Variants in SERINC5 observed in about 807,000 individuals in gnomAD.
SERINC5 encodes chromosome 5 open reading frame 12.
A neutral mutation model predicts 63.1 loss-of-function variants in SERINC5; 41 were observed. The observed-to-expected ratio is 0.65, with a 90% confidence interval of 0.51 to 0.84. The LOEUF is 0.84. SERINC5 is among the 40% of genes least tolerant of loss of function. The pLI is 0.00. For synonymous variants in SERINC5, 222 were observed against 215.2 expected, an observed-to-expected ratio of 1.03 and a Z score of -0.28; for missense variants, 523 against 573.0, an observed-to-expected ratio of 0.91 and a Z score of 0.89.
At chr5:80,224,149 A>AAG (rs55960382) in intron 1 of SERINC5, among the ~76,000 whole-genome samples, 2 of 145,476 alleles carry the variant, frequency 1.4e-5, no homozygotes, top group African/African-American at 5.1e-5. Flanking sequence ...AAAAAAAAAA[A>AAG]GAAAAAAGAA....
rs1015384621 is a variant in SERINC5 at position 80,141,500 on chromosome 5, C to G, written c.*2163G>C. On this transcript the variant is annotated 3_prime_UTR_variant, in exon 12 of 12. Transcript: ENST00000507668. ...CACACCAGCTGGCAGCCAGACCCAG[C>G]CGAGAGGACAAAGCAAGGGCTCTGC... The G allele has an allele frequency of 1.0e-5, 10 of 985,438 alleles. No homozygotes were observed. In the African/African-American group the frequency reaches 1.7e-4, roughly 17 times the overall value. 61.0% of individuals were successfully genotyped at this position (985,438 alleles called of 1,614,324 possible).
At chr5:80,180,915 T>G (rs73128070) in intron 2 of SERINC5, among the ~76,000 whole-genome samples, 24,246 of 152,174 alleles carry the variant, frequency 0.16, 2,930 homozygotes, top group East Asian at 0.62. Context: ...ATTGCAGACC[T>G]AAAGTTACAG....
chr5:80,128,052 CTAAT>C (rs1208797962), intron 11 of SERINC5, among the ~76,000 whole-genome samples: 1 of 152,088 alleles, frequency 6.6e-6, no homozygotes, highest in Non-Finnish European at 1.5e-5. Flanking sequence ...TATTTTGAGT[CTAAT>C]GAATCAGTCT....
At chr5:80,117,486 C>G (rs185456710) in intron 11 of SERINC5, among the ~76,000 whole-genome samples, 1 of 152,008 alleles carries the variant, frequency 6.6e-6, no homozygotes, top group Non-Finnish European at 1.5e-5. Context: ...CTGATAATCA[C>G]ACAGAGCCAC....
intron 2 of SERINC5, among the ~76,000 whole-genome samples, chr5:80,183,880 C>A (rs1315889801): frequency 1.3e-5 from 2 of 151,818 alleles, no homozygotes; most frequent in East Asian, 1.9e-4. Flanking sequence ...TTGGTGGTCT[C>A]TTCACACCGA....
Position 80,146,155 on chromosome 5 carries a change from G to A in SERINC5, c.1173C>T (p.Ser391=). The A allele has an allele frequency of 6.2e-7, 1 of 1,614,036 alleles. No individual in the cohort carries two copies. The highest frequency in any genetic ancestry group is 8.5e-7 in the Non-Finnish European group (1 of 1,179,866). The change falls in exon 11 of 12, where the codon TCC becomes TCT. Residue 391 remains serine, a synonymous_variant. Transcript: ENST00000507668. ...DEKKGTVYIY[S]YFHFVFFLAS... is the part of the protein sequence containing the mutation. ...CTAGGAAGAACACGAAGTGGAAGTA[G>A]GAGTAGATGTAGACGGTGCCTTTCT...
intron 2 of SERINC5, among the ~76,000 whole-genome samples, chr5:80,191,550 G>C (rs1749188626): frequency 6.7e-6 from 1 of 149,418 alleles, no homozygotes; most frequent in Admixed American, 6.7e-5. Context: ...TATGGTCCCG[G>C]TTACTCAGCA....
intron 7 of SERINC5, among the ~76,000 whole-genome samples, chr5:80,164,363 A>C (rs1326835253): frequency 6.7e-6 from 1 of 148,814 alleles, no homozygotes; most frequent in African/African-American, 2.5e-5. Context: ...TCTTTATTTT[A>C]TTTAGTTCCT....
intron 11 of SERINC5, among the ~76,000 whole-genome samples, chr5:80,124,730 C>T (rs541131232): frequency 4.6e-5 from 7 of 152,268 alleles, no homozygotes; most frequent in South Asian, 2.1e-4. Flanking sequence ...GTGCTTATCT[C>T]GTCACCTGCA....
At chr5:80,115,768 T>G (rs764749232) in intron 11 of SERINC5, among the ~76,000 whole-genome samples, 1 of 152,080 alleles carries the variant, frequency 6.6e-6, no homozygotes, top group African/African-American at 2.4e-5. Flanking sequence ...GTTGCATCTC[T>G]GAGTCCAGGC....
At chr5:80,211,945 G>T (rs1750450307) in intron 1 of SERINC5, among the ~76,000 whole-genome samples, 1 of 152,192 alleles carries the variant, frequency 6.6e-6, no homozygotes, top group Admixed American at 6.5e-5. Context: ...TTTAGCTTCA[G>T]TGCTTGAGTT....
intron 8 of SERINC5, among the ~76,000 whole-genome samples, chr5:80,151,762 C>T (rs73125970): frequency 0.047 from 7,136 of 152,198 alleles, 577 homozygotes; most frequent in African/African-American, 0.16. Context: ...GTGTCAGGCC[C>T]GATTCTAAGC....
intron 1 of SERINC5, among the ~76,000 whole-genome samples, chr5:80,218,165 T>C (rs1050302853): frequency 6.6e-6 from 1 of 152,228 alleles, no homozygotes; most frequent in Non-Finnish European, 1.5e-5. Context: ...TCTCAGAGTC[T>C]AATACATTTT....
chr5:80,139,411 C>G lies in SERINC5; in HGVS notation c.*4252G>C. 9.1e-6 allele frequency: 9 copies of G among 984,830 alleles called. No individual in the cohort carries two copies. Among genetic ancestry groups the G allele is most frequent in the Non-Finnish European group, 1.1e-5 (9 of 829,446 alleles). 61.0% of individuals were successfully genotyped at this position (984,830 alleles called of 1,614,324 possible). On this transcript the variant is annotated 3_prime_UTR_variant, in exon 12 of 12. Coordinates refer to ENST00000507668, the MANE Select transcript of SERINC5 (RefSeq NM_001174072.3). ...TAAAGAGTTCTTCCATCATTTTACT[C>G]ATGTGAATATGATTAAACTCCTATA...
At chr5:80,206,806 G>A (rs1750185812) in intron 1 of SERINC5, among the ~76,000 whole-genome samples, 1 of 119,756 alleles carries the variant, frequency 8.4e-6, no homozygotes, top group Non-Finnish European at 1.6e-5. Flanking sequence ...CTCCTTCACT[G>A]ATTGCTTTTT....
At chr5:80,175,863 C>CAAA (rs1491197344) in intron 4 of SERINC5, among the ~76,000 whole-genome samples, 10 of 40,738 alleles carry the variant, frequency 2.5e-4, no homozygotes, top group African/African-American at 7.8e-4. Context: ...GACTTGGTCT[C>CAAA]AAAAAAAAAA....
At chr5:80,180,438 GA>G (rs1455062977) in intron 2 of SERINC5, among the ~76,000 whole-genome samples, 1 of 152,152 alleles carries the variant, frequency 6.6e-6, no homozygotes, top group Non-Finnish European at 1.5e-5. Context: ...AGATACTGAA[GA>G]AACAATAATA....
At chr5:80,176,148 T>A (rs911395747) in intron 4 of SERINC5, among the ~76,000 whole-genome samples, 5 of 151,760 alleles carry the variant, frequency 3.3e-5, no homozygotes, top group Admixed American at 2.0e-4. Context: ...CACTGCACTC[T>A]AACCTGGGCA....
intron 2 of SERINC5, among the ~76,000 whole-genome samples, chr5:80,200,031 G>A (rs561840354): frequency 6.6e-6 from 1 of 152,206 alleles, no homozygotes; most frequent in Admixed American, 6.5e-5. Flanking sequence ...GGTGGCTCAC[G>A]CCTGTAGTCC....
Sources: gnomAD v4.1 joint callset for allele counts (sites outside exome capture counted in the v4.1 genomes callset) on GRCh38, gnomAD v4.1.1 for gene constraint, MANE v1.5 for transcripts, NCBI Gene and HGNC (gene_info 2026-07-23, HGNC 2026-07-21) for gene names.